The following LEMD3 variants were observed in gnomAD, a reference collection of about 807,000 sequenced individuals.
The protein encoded by LEMD3 is LEM domain containing 3, also known as inner nuclear membrane protein Man1.
In LEMD3, 33 loss-of-function variants were observed where a neutral mutation model predicts 95.2. The observed-to-expected ratio is 0.35, with a 90% CI of 0.26 to 0.46. The LOEUF is 0.46. LEMD3 is among the 20% of genes least tolerant of loss of function. The probability of loss-of-function intolerance (pLI) is 1.00; values close to 1 mark genes in which losing one functional copy is unlikely to be tolerated. For missense variants in LEMD3, 1,210 were observed against 1,192.8 expected (o/e 1.01, Z -0.21); for synonymous variants, 525 against 474.6 (o/e 1.11, Z -1.38).
chr12:65,228,430 C>T (rs183060935), intron 4 of LEMD3, among the ~76,000 whole-genome samples: 16 of 146,878 alleles, frequency 1.1e-4, no homozygotes, highest in African/African-American at 3.7e-4. Flanking sequence ...GAGTCTTGCT[C>T]TGTTGCCCAG....
At chr12:65,194,845 T>TATAATTTATAAATTATAATC (rs1565784589) in intron 1 of LEMD3, among the ~76,000 whole-genome samples, 1 of 146,730 alleles carries the variant, frequency 6.8e-6, no homozygotes, top group Non-Finnish European at 1.5e-5. Context: ...AAATTATAAT[T>TATAATTTATAAATTATAATC]TAGATTATAA....
chr12:65,245,787 T>C lies in LEMD3; in HGVS notation c.2493+13T>C, dbSNP rs982236009. ...AAATTCACGTGAGGTAAAGTAACTT[T>C]TGGTATTGAATTTCATGTTTTGGAT... On this transcript the variant is annotated intron_variant, in intron 11 of 12. Coordinates refer to ENST00000308330, the MANE Select transcript of LEMD3 (RefSeq NM_014319.5). 1 of 1,608,460 alleles carries C rather than the reference T, an allele frequency of 6.2e-7. No homozygotes were observed. The highest frequency in any genetic ancestry group is 1.3e-5 in the African/African-American group (1 of 74,788).
intron 10 of LEMD3, among the ~76,000 whole-genome samples, chr12:65,244,004 G>A (rs964439744): frequency 6.6e-6 from 1 of 152,148 alleles, no homozygotes; most frequent in Non-Finnish European, 1.5e-5. Flanking sequence ...ACAGTCAAAA[G>A]TGACTGCCTT....
At chr12:65,236,370 C>T (rs986072286) in intron 4 of LEMD3, among the ~76,000 whole-genome samples, 5 of 152,098 alleles carry the variant, frequency 3.3e-5, no homozygotes, top group South Asian at 2.1e-4. Context: ...GGCGAAACCC[C>T]ATCTCTACTA....
chr12:65,221,333 T>A (rs1258305509), intron 4 of LEMD3, among the ~76,000 whole-genome samples: 1 of 152,140 alleles, frequency 6.6e-6, no homozygotes, highest in Non-Finnish European at 1.5e-5. Context: ...GAAATGTAAC[T>A]GATTTTTGTA....
At chr12:65,239,226 A>G (rs1174372387) in intron 6 of LEMD3, among the ~76,000 whole-genome samples, 1 of 152,040 alleles carries the variant, frequency 6.6e-6, no homozygotes, top group East Asian at 1.9e-4. Flanking sequence ...GATTTAGGTG[A>G]GAGTTGTTTT....
chr12:65,192,382 G>A (rs1410664833), intron 1 of LEMD3, among the ~76,000 whole-genome samples: 2 of 152,018 alleles, frequency 1.3e-5, no homozygotes, highest in Admixed American at 6.6e-5. Flanking sequence ...TATAGGGCAC[G>A]GGTTTTGTCC....
At position 65,193,349 on chromosome 12, in the gene LEMD3, G is replaced by T. The variant is rs1178069879; in HGVS notation, c.1523-17577G>T. On this transcript the variant is annotated intron_variant, in intron 1 of 12. Coordinates refer to ENST00000308330, the MANE Select transcript of LEMD3 (RefSeq NM_014319.5). The stretch of plus-strand genomic sequence containing the variant: ...TTTTATATGGTGGCATGCTTCTGGG[G>T]TCTTGCATCCCTTTTCCCATGATTC... Among the ~76,000 whole-genome samples, 3 of 152,110 alleles carry T rather than the reference G, an allele frequency of 2.0e-5. No homozygotes were observed. In the East Asian group the frequency reaches 5.8e-4, roughly 29 times the overall value.
intron 4 of LEMD3, among the ~76,000 whole-genome samples, chr12:65,227,289 T>A (rs1302219282): frequency 6.6e-6 from 1 of 152,228 alleles, no homozygotes. Context: ...GTTTCTTTCC[T>A]GTTTTCTTTT....
intron 1 of LEMD3, among the ~76,000 whole-genome samples, chr12:65,187,670 G>A (rs1437426117): frequency 6.6e-6 from 1 of 151,994 alleles, no homozygotes; most frequent in Non-Finnish European, 1.5e-5. Flanking sequence ...TCTTAAGGAA[G>A]AGATAAATGG....
intron 1 of LEMD3, among the ~76,000 whole-genome samples, chr12:65,200,544 A>T (rs1284858130): frequency 6.6e-6 from 1 of 152,076 alleles, no homozygotes; most frequent in Non-Finnish European, 1.5e-5. Flanking sequence ...AGCCATTCTG[A>T]TAGGTATGTA....
chr12:65,190,565 G>C (rs2136324073), intron 1 of LEMD3, among the ~76,000 whole-genome samples: 1 of 152,186 alleles, frequency 6.6e-6, no homozygotes, highest in Admixed American at 6.5e-5. Flanking sequence ...CTATGACCTG[G>C]AAGCCCCTGC....
chr12:65,238,381 A>G (rs1349339794), intron 4 of LEMD3, 121 bp from the exon 5 acceptor site: 2 of 671,568 alleles, frequency 3.0e-6, no homozygotes, highest in Non-Finnish European at 5.1e-6. Flanking sequence ...ATTTTCTGTA[A>G]TGAATATTTT....
chr12:65,183,486 G>A (rs1278446029), intron 1 of LEMD3, among the ~76,000 whole-genome samples: 1 of 152,146 alleles, frequency 6.6e-6, no homozygotes, highest in Non-Finnish European at 1.5e-5. Flanking sequence ...AATGTGCCAT[G>A]TATAGTGTTC....
intron 1 of LEMD3, among the ~76,000 whole-genome samples, chr12:65,195,801 T>C (rs1869413027): frequency 6.6e-6 from 1 of 152,292 alleles, no homozygotes; most frequent in South Asian, 2.1e-4. Flanking sequence ...TCCTTCTCTC[T>C]CTGGTGCAGA....
At chr12:65,173,605 CAG>C (rs1197812634) in intron 1 of LEMD3, among the ~76,000 whole-genome samples, 1 of 152,096 alleles carries the variant, frequency 6.6e-6, no homozygotes, top group Admixed American at 6.5e-5. Flanking sequence ...TCAGGTGAGA[CAG>C]TGTGTTAAAC....
chr12:65,206,550 C>G (rs1039922161), intron 1 of LEMD3, among the ~76,000 whole-genome samples: 1 of 152,094 alleles, frequency 6.6e-6, no homozygotes, highest in Non-Finnish European at 1.5e-5. Flanking sequence ...TAGTATGGTA[C>G]TAAATCAGAA....
At chr12:65,197,426 T>G (rs1869466261) in intron 1 of LEMD3, among the ~76,000 whole-genome samples, 1 of 152,150 alleles carries the variant, frequency 6.6e-6, no homozygotes, top group African/African-American at 2.4e-5. Context: ...CTACAGTATA[T>G]GCTGAACATT....
At chr12:65,176,459 C>T (rs147279623) in intron 1 of LEMD3, among the ~76,000 whole-genome samples, 64 of 152,314 alleles carry the variant, frequency 4.2e-4, no homozygotes, top group Non-Finnish European at 7.9e-4. Flanking sequence ...ATATCTCTGA[C>T]TCTCCATCTT....
Sources: allele counts gnomAD v4.1 joint callset (sites outside exome capture counted in the v4.1 genomes callset), GRCh38; gene constraint gnomAD v4.1.1; transcripts MANE v1.5; gene names NCBI Gene and HGNC (gene_info 2026-07-23, HGNC 2026-07-21).